Variants in SYNDIG1 observed in about 807,000 individuals in gnomAD.
SYNDIG1 encodes synapse differentiation-inducing gene protein 1.
Under a neutral mutation model 19.4 loss-of-function variants are expected in SYNDIG1, and 9 were observed. That is an observed-to-expected ratio of 0.46 (90% CI 0.28 to 0.81). The LOEUF is 0.81. SYNDIG1 is among the 30% of genes least tolerant of loss of function. The pLI is 0.12. For missense variants in SYNDIG1, 311 were observed against 343.3 expected (o/e 0.91, Z 0.74); for synonymous variants, 141 against 145.9 (o/e 0.97, Z 0.24).
chr20:24,494,331 T>A (rs2146330671), intron 1 of SYNDIG1, among the ~76,000 whole-genome samples: 1 of 152,220 alleles, frequency 6.6e-6, no homozygotes, highest in Admixed American at 6.5e-5. Flanking sequence ...AAGAGTGGCC[T>A]TAGAACCACA....
At chr20:24,643,438 A>G (rs1193710038) in intron 3 of SYNDIG1, among the ~76,000 whole-genome samples, 1 of 152,048 alleles carries the variant, frequency 6.6e-6, no homozygotes, top group Non-Finnish European at 1.5e-5. Context: ...TATCAGCTAG[A>G]GTGCCGTGTT....
intron 3 of SYNDIG1, among the ~76,000 whole-genome samples, chr20:24,643,778 A>G (rs1265385322): frequency 6.6e-6 from 1 of 152,268 alleles, no homozygotes; most frequent in African/African-American, 2.4e-5. Flanking sequence ...CCACATATTT[A>G]CCATGACAGT....
rs553958293 is a variant in SYNDIG1, at chr20:24,606,509, C to G, written c.618+21516C>G. Among the ~76,000 whole-genome samples the G allele has an allele frequency of 2.2e-4, 34 of 152,228 alleles. No individual in the cohort carries two copies. In the Middle Eastern group the frequency reaches 0.017, roughly 76 times the overall value. ...CAGGAATTGCACTTTAAGGTAAAACCTTAGGTTATTATAGAATTGAATATT... is the reference window on the plus strand; with the variant it reads ...CAGGAATTGCACTTTAAGGTAAAACGTTAGGTTATTATAGAATTGAATATT... On this transcript the variant is annotated intron_variant, in intron 3 of 3. Transcript: ENST00000376862.
chr20:24,574,656 C>T (rs2058198498), intron 2 of SYNDIG1, among the ~76,000 whole-genome samples: 1 of 152,142 alleles, frequency 6.6e-6, no homozygotes, highest in Non-Finnish European at 1.5e-5. Flanking sequence ...GGATTAAATG[C>T]CTATAGCTAG....
chr20:24,622,978 A>G (rs1462914371), intron 3 of SYNDIG1, among the ~76,000 whole-genome samples: 1 of 152,206 alleles, frequency 6.6e-6, no homozygotes, highest in Non-Finnish European at 1.5e-5. Context: ...AATACATCTG[A>G]AAAGAATGAG....
At chr20:24,504,466 G>A (rs1385264203) in intron 1 of SYNDIG1, among the ~76,000 whole-genome samples, 2 of 152,174 alleles carry the variant, frequency 1.3e-5, no homozygotes, top group Admixed American at 1.3e-4. Context: ...GGAAACCCAA[G>A]CCCAAACAAG....
chr20:24,501,982 G>A lies in SYNDIG1; in HGVS notation c.-79+32229G>A, dbSNP rs558282937. 1.4e-4 allele frequency among the ~76,000 whole-genome samples: 21 copies of A among 152,352 alleles called. No individual in the cohort carries two copies. In the East Asian group the frequency reaches 2.9e-3, roughly 21 times the overall value. ...CCAGGGCAAGCTAAGGGCCGAGAAC[G>A]AATGGCCCACGAGCAGCCCTTGGCC... is the stretch of plus-strand genomic sequence containing the variant. On this transcript the variant is annotated intron_variant, in intron 1 of 3. Coordinates refer to ENST00000376862, the MANE Select transcript of SYNDIG1 (RefSeq NM_024893.3).
chr20:24,623,411 A>G (rs1331711550), intron 3 of SYNDIG1, among the ~76,000 whole-genome samples: 1 of 152,228 alleles, frequency 6.6e-6, no homozygotes. Context: ...GAAATTCTTC[A>G]AACAGAAGGA....
At chr20:24,548,675 G>A (rs2057640608) in intron 2 of SYNDIG1, among the ~76,000 whole-genome samples, 1 of 152,206 alleles carries the variant, frequency 6.6e-6, no homozygotes, top group Non-Finnish European at 1.5e-5. Flanking sequence ...GATTTGGGTG[G>A]AAGGAAATTT....
chr20:24,580,795 T>C (rs2058309636), intron 2 of SYNDIG1, among the ~76,000 whole-genome samples: 1 of 152,172 alleles, frequency 6.6e-6, no homozygotes, highest in Admixed American at 6.5e-5. Context: ...AGAGTGTGAT[T>C]CCTTTATGCT....
intron 1 of SYNDIG1, among the ~76,000 whole-genome samples, chr20:24,534,667 T>G (rs1465043464): frequency 6.6e-6 from 1 of 152,186 alleles, no homozygotes; most frequent in Non-Finnish European, 1.5e-5. Context: ...TTCAAAAAAT[T>G]GTCTTTCTCC....
rs570757648 is a variant in SYNDIG1, at chr20:24,658,161, C to A, written c.619-7185C>A. 6.6e-6 allele frequency among the ~76,000 whole-genome samples: 1 copy of A among 152,106 alleles called. No individual in the cohort carries two copies. Among genetic ancestry groups the A allele is most frequent in the Non-Finnish European group, 1.5e-5 (1 of 68,014 alleles). On this transcript the variant is annotated intron_variant, in intron 3 of 3. Transcript: ENST00000376862. The surrounding 1 kb of genome is among the most constrained non-coding windows in gnomAD (Gnocchi z 4.4). ...GTCATGATTTTTCCAAAACCTCAAA[C>A]GACAGTGGGTATTTTCCAGCCAAAG...
chr20:24,546,237 G>A (rs954255488), intron 2 of SYNDIG1, among the ~76,000 whole-genome samples: 1 of 152,212 alleles, frequency 6.6e-6, no homozygotes, highest in Non-Finnish European at 1.5e-5. Flanking sequence ...CTGGTTAGAA[G>A]TGTCATTGAA....
At chr20:24,519,236 C>T (rs1392124142) in intron 1 of SYNDIG1, among the ~76,000 whole-genome samples, 1 of 152,114 alleles carries the variant, frequency 6.6e-6, no homozygotes, top group Non-Finnish European at 1.5e-5. Flanking sequence ...AGATGGACCA[C>T]GATACTGTCC....
chr20:24,559,489 C>T (rs187149318), intron 2 of SYNDIG1, among the ~76,000 whole-genome samples: 17 of 152,294 alleles, frequency 1.1e-4, no homozygotes, highest in African/African-American at 3.4e-4. Context: ...AACAAACAAA[C>T]GACACAGGAT....
At chr20:24,486,658 A>ATTT (rs201460199) in intron 1 of SYNDIG1, among the ~76,000 whole-genome samples, 4,174 of 147,892 alleles carry the variant, frequency 0.028, 96 homozygotes, top group Admixed American at 0.066. Flanking sequence ...TTATTTATTT[A>ATTT]ATTTTTTTTT....
At chr20:24,625,384 A>ATTTTTTTTTTTTTTTTTTTTTTTTTTT (rs35759862) in intron 3 of SYNDIG1, among the ~76,000 whole-genome samples, 1 of 115,278 alleles carries the variant, frequency 8.7e-6, no homozygotes, top group African/African-American at 3.4e-5. Flanking sequence ...TGCCTGGGAC[A>ATTTTTTTTTTTTTTTTTTTTTTTTTTT]TTTTTTTTTT....
intron 3 of SYNDIG1, among the ~76,000 whole-genome samples, chr20:24,593,752 A>G (rs1019102262): frequency 6.6e-6 from 1 of 151,820 alleles, no homozygotes; most frequent in Non-Finnish European, 1.5e-5. Flanking sequence ...AGAGTTTCTC[A>G]TTGTGGTTTT....
chr20:24,488,085 G>A (rs1417349071), intron 1 of SYNDIG1, among the ~76,000 whole-genome samples: 2 of 152,144 alleles, frequency 1.3e-5, no homozygotes, highest in African/African-American at 4.8e-5. Context: ...TAGGGTGATT[G>A]GTTACACAAC....
Sources: allele counts gnomAD v4.1 joint callset (sites outside exome capture counted in the v4.1 genomes callset), GRCh38; gene constraint gnomAD v4.1.1; non-coding constraint Gnocchi (gnomAD v3.1); transcripts MANE v1.5; gene names NCBI Gene and HGNC (gene_info 2026-07-23, HGNC 2026-07-21).